Variants in USP48 observed in about 807,000 individuals in gnomAD.
USP48 encodes the protein ubiquitin carboxyl-terminal hydrolase 48.
USP48 carries 43 observed loss-of-function variants against 150.7 expected under a neutral mutation model. The observed-to-expected ratio is 0.29, with a 90% CI of 0.22 to 0.37. USP48 has a LOEUF of 0.37. Ranked by LOEUF, USP48 falls within the 10% of genes least tolerant of loss-of-function variation. The pLI, the probability that USP48 is intolerant of heterozygous loss-of-function variation, is 1.00. For synonymous variants in USP48, 396 were observed against 425.9 expected, an observed-to-expected ratio of 0.93 and a Z score of 0.86; for missense variants, 813 against 1,249.6, an observed-to-expected ratio of 0.65 and a Z score of 5.27.
chr1:21,706,250 T>A, intron 17 of USP48, 63 bp from the exon 18 acceptor site: 1 of 1,570,648 alleles, frequency 6.4e-7, no homozygotes, highest in Non-Finnish European at 8.7e-7. Flanking sequence ...ACAAATTCCT[T>A]ATAATATACT....
chr1:21,694,603 AAAAACC>A (rs2097619240), intron 23 of USP48, among the ~76,000 whole-genome samples: 1 of 76,190 alleles, frequency 1.3e-5, no homozygotes, highest in African/African-American at 3.5e-5. Flanking sequence ...AAAAAAAAAA[AAAAACC>A]CCCTCTATCT....
intron 1 of USP48, among the ~76,000 whole-genome samples, chr1:21,775,278 T>C (rs1199517198): frequency 6.6e-6 from 1 of 152,030 alleles, no homozygotes; most frequent in African/African-American, 2.4e-5. Context: ...TTGGTTTTTA[T>C]TGAGACAGAG....
Position 21,783,033 on chromosome 1 carries a change from G to A in USP48, c.-76C>T. 3 of 1,415,960 alleles carry A rather than the reference G, an allele frequency of 2.1e-6. No individual in the cohort carries two copies. The highest frequency in any genetic ancestry group is 2.9e-5 in the East Asian group (1 of 34,370). 87.7% of individuals were successfully genotyped at this position (1,415,960 alleles called of 1,614,324 possible). ...GCGGTCTGCACCGCCGCCCCAATGG[G>A]CTTCGCCACCTGCCAGCAAGGAGGA... On this transcript the variant is annotated 5_prime_UTR_variant, in exon 1 of 27. Coordinates refer to ENST00000308271, the MANE Select transcript of USP48 (RefSeq NM_032236.8).
intron 21 of USP48, among the ~76,000 whole-genome samples, 195 bp downstream of exon 21, chr1:21,703,317 A>C (rs2097662668): frequency 6.6e-6 from 1 of 152,200 alleles, no homozygotes; most frequent in East Asian, 1.9e-4. Context: ...TGCATCAATT[A>C]ATAACAAACT....
intron 24 of USP48, among the ~76,000 whole-genome samples, chr1:21,688,683 A>C (rs892017867): frequency 6.6e-6 from 1 of 151,790 alleles, no homozygotes. Flanking sequence ...CTCTACTAAA[A>C]ATACAAAAAA....
rs574686409 is a variant in USP48, at chr1:21,723,983, C to T, written c.1563G>A (p.Pro521=). The change falls in exon 12 of 27, where the codon CCG becomes CCA. Residue 521 remains proline, a synonymous_variant. Coordinates refer to ENST00000308271, the MANE Select transcript of USP48 (RefSeq NM_032236.8). ...ACLCSHDKLH[P]DKISIMKRIS... is the part of the protein sequence containing the mutation. Reference sequence around the variant, plus strand: ...TCCTCTTCATAATTGATATTTTATCCGGGTGAAGCTTGTCATGGGAACACA... The same window carrying T: ...TCCTCTTCATAATTGATATTTTATCTGGGTGAAGCTTGTCATGGGAACACA... 32 of 1,613,882 alleles carry T rather than the reference C, an allele frequency of 2.0e-5. No individual in the cohort carries two copies. Among genetic ancestry groups the T allele is most frequent in the Non-Finnish European group, 2.3e-5 (27 of 1,180,002 alleles).
intron 14 of USP48, among the ~76,000 whole-genome samples, chr1:21,716,607 C>A (rs2097705045): frequency 6.6e-6 from 1 of 152,166 alleles, no homozygotes; most frequent in Non-Finnish European, 1.5e-5. Flanking sequence ...AAAAACTTTG[C>A]TTTTGCTGTT....
At chr1:21,693,273 G>A (rs1323824568) in intron 23 of USP48, among the ~76,000 whole-genome samples, 1 of 152,210 alleles carries the variant, frequency 6.6e-6, no homozygotes, top group African/African-American at 2.4e-5. Flanking sequence ...AAAGGTGGAT[G>A]AATTACTGAT....
At chr1:21,701,344 C>A (rs1443968130) in intron 22 of USP48, among the ~76,000 whole-genome samples, 154 bp downstream of exon 22, 1 of 118,240 alleles carries the variant, frequency 8.5e-6, no homozygotes, top group Non-Finnish European at 1.7e-5. Flanking sequence ...CCAGCACAGG[C>A]AACAGTGCGA....
intron 10 of USP48, 79 bp from the exon 11 acceptor site, chr1:21,728,798 T>A: frequency 6.7e-7 from 1 of 1,500,578 alleles, no homozygotes; most frequent in Non-Finnish European, 9.0e-7. Context: ...CTAAATCATA[T>A]CAAATACTGA....
intron 2 of USP48, chr1:21,757,006 C>T: frequency 1.0e-6 from 1 of 985,138 alleles, no homozygotes; most frequent in Non-Finnish European, 1.2e-6. Flanking sequence ...CGGTTTTGAA[C>T]AAGCGTATAT....
At position 21,706,837 on chromosome 1, in the gene USP48, C is replaced by T. The variant is rs2097674055; in HGVS notation, c.1995G>A (p.Arg665=). The T allele has an allele frequency of 6.2e-7, 1 of 1,613,244 alleles. No individual in the cohort carries two copies. The highest frequency in any genetic ancestry group is 2.2e-5 in the East Asian group (1 of 44,872). The change falls in exon 16 of 27, where the codon AGG becomes AGA. Residue 665 remains arginine, a synonymous_variant. Coordinates refer to ENST00000308271, the MANE Select transcript of USP48 (RefSeq NM_032236.8). ...TGCTCCAAGCCTCTTTAGAAACAAG[C>T]CTTCTTTCATTTTCAGATATGCATA... is the stretch of plus-strand genomic sequence containing the variant. ...GELCISENER[R]LVSKEAWSKL...
At chr1:21,731,403 A>G (rs1292401126) in intron 9 of USP48, among the ~76,000 whole-genome samples, 1 of 151,796 alleles carries the variant, frequency 6.6e-6, no homozygotes, top group Non-Finnish European at 1.5e-5. Flanking sequence ...AGCTAGGATT[A>G]CAGGCGTGTG....
At chr1:21,736,293 C>G (rs909906698) in intron 9 of USP48, 153 bp downstream of exon 9, 14 of 789,006 alleles carry the variant, frequency 1.8e-5, no homozygotes, top group Non-Finnish European at 2.7e-5. Context: ...ATTGCTAATA[C>G]AAGATGTTCA....
intron 8 of USP48, 32 bp from the exon 9 acceptor site, chr1:21,736,657 T>A (rs369802665): frequency 7.3e-7 from 1 of 1,368,132 alleles, no homozygotes; most frequent in Non-Finnish European, 9.5e-7. Context: ...AAAAGAAACG[T>A]TGGATAACAG....
At chr1:21,757,489 A>G (rs1007589829) in intron 2 of USP48, 174 bp downstream of exon 2, 1 of 521,130 alleles carries the variant, frequency 1.9e-6, no homozygotes, top group African/African-American at 2.0e-5. Context: ...TTTAAAGCAT[A>G]TCATTAAGAA....
At chr1:21,762,895 C>T (rs979204227) in intron 1 of USP48, among the ~76,000 whole-genome samples, 12 of 149,634 alleles carry the variant, frequency 8.0e-5, no homozygotes, top group African/African-American at 1.5e-4. Context: ...AAAATTCACA[C>T]GACCTGGCTG....
At chr1:21,727,780 G>A (rs1242433018) in intron 11 of USP48, 2 of 742,814 alleles carry the variant, frequency 2.7e-6, no homozygotes, top group Non-Finnish European at 3.3e-6. Flanking sequence ...GGCAATTTTT[G>A]TTTACATTTT....
intron 6 of USP48, among the ~76,000 whole-genome samples, chr1:21,751,189 AGAC>A (rs1407314252): frequency 1.3e-5 from 2 of 152,224 alleles, no homozygotes; most frequent in African/African-American, 4.8e-5. Flanking sequence ...CGTTTTCATT[AGAC>A]AACAAGGTAA....
Sources: allele counts gnomAD v4.1 joint callset (sites outside exome capture counted in the v4.1 genomes callset), GRCh38; gene constraint gnomAD v4.1.1; transcripts MANE v1.5; gene names NCBI Gene and HGNC (gene_info 2026-07-23, HGNC 2026-07-21).